The following PTPRG variants were observed in gnomAD, a reference collection of about 807,000 sequenced individuals.
The protein encoded by PTPRG is protein tyrosine phosphatase receptor type G, also known as receptor-type tyrosine-protein phosphatase gamma.
A neutral mutation model predicts 165.3 loss-of-function variants in PTPRG; 102 were observed. The ratio of observed to expected loss-of-function variants is 0.62; its 90% CI spans 0.53 to 0.73. The LOEUF is 0.73. Among genes scored for constraint, PTPRG ranks in the 30% least tolerant of loss-of-function variants. PTPRG has a pLI of 0.00. For missense variants in PTPRG, 1,866 were observed against 1,861.4 expected (o/e 1.00, Z -0.05); for synonymous variants, 675 against 669.5 (o/e 1.01, Z -0.13).
Position 62,000,370 on chromosome 3 carries a change from G to A in PTPRG, c.371-2979G>A, listed in dbSNP as rs143128215. Among the ~76,000 whole-genome samples the A allele has an allele frequency of 1.7e-4, 26 of 152,150 alleles. No homozygotes were observed. In the East Asian group the frequency reaches 4.4e-3, roughly 26 times the overall value. On this transcript the variant is annotated intron_variant, in intron 3 of 29. Transcript: ENST00000474889. ...TTCTGCCTGTATATTCTTACCCAGG[G>A]CAGACTTCGGTGCCAGATTACAGAG...
intron 7 of PTPRG, among the ~76,000 whole-genome samples, chr3:62,166,197 CTTTTTTTTTTTTTTTTTTTTTTT>C (rs564761041): frequency 5.6e-5 from 3 of 53,900 alleles, no homozygotes; most frequent in Non-Finnish European, 1.0e-4. Context: ...AATTACAGTT[CTTTTTTTTTTTTTTTTTTTTTTT>C]TTTTTTTTTT....
At chr3:61,726,403 T>G (rs2032257881) in intron 1 of PTPRG, among the ~76,000 whole-genome samples, 1 of 152,152 alleles carries the variant, frequency 6.6e-6, no homozygotes, top group African/African-American at 2.4e-5. Flanking sequence ...CTAGAGAAAT[T>G]GAGCTACTTT....
intron 2 of PTPRG, among the ~76,000 whole-genome samples, chr3:61,873,689 G>C (rs547903165): frequency 1.3e-5 from 2 of 152,098 alleles, no homozygotes; most frequent in African/African-American, 4.8e-5. Flanking sequence ...GGTAGTTTTT[G>C]TCCACTGTAT....
chr3:61,975,499 C>T (rs2040482415), intron 2 of PTPRG, among the ~76,000 whole-genome samples: 1 of 152,126 alleles, frequency 6.6e-6, no homozygotes, highest in Non-Finnish European at 1.5e-5. Context: ...TGAGGTTCTT[C>T]ACTGCAAATC....
At chr3:62,152,456 C>T (rs1399163588) in intron 6 of PTPRG, among the ~76,000 whole-genome samples, 1 of 152,188 alleles carries the variant, frequency 6.6e-6, no homozygotes, top group East Asian at 1.9e-4. Context: ...TCAGGAACCA[C>T]CAGTCTTGAG....
At chr3:61,996,284 C>T (rs912078458) in intron 3 of PTPRG, among the ~76,000 whole-genome samples, 1 of 152,090 alleles carries the variant, frequency 6.6e-6, no homozygotes, top group Non-Finnish European at 1.5e-5. Context: ...GGGAGGGTTT[C>T]AAACTCACCT....
Position 62,294,412 on chromosome 3 carries a change from C to A in PTPRG, c.*1105C>A, listed in dbSNP as rs1400312386. ...GTCTTAGCAAAAGTCTTGGGACTAT[C>A]TAAACTCCCACACATAGATAAATCT... On this transcript the variant is annotated 3_prime_UTR_variant, in exon 30 of 30. Transcript: ENST00000474889. 1 of 152,062 alleles carries A rather than the reference C, an allele frequency of 6.6e-6. No homozygotes were observed. The highest frequency in any genetic ancestry group is 2.4e-5 in the African/African-American group (1 of 41,416). The allele number at this position is 152,062 out of a possible 1,614,324, so 9.4% of individuals were successfully genotyped here. A position where few individuals can be genotyped will look rare whatever the true frequency, so the allele number is the denominator to read the frequency against.
At chr3:61,674,297 C>T (rs185511910) in intron 1 of PTPRG, among the ~76,000 whole-genome samples, 71 of 151,990 alleles carry the variant, frequency 4.7e-4, no homozygotes, top group South Asian at 1.9e-3. Context: ...TCCAGCTCCC[C>T]GCTCTTTCAG....
intron 3 of PTPRG, among the ~76,000 whole-genome samples, chr3:61,991,179 C>T (rs1453076894): frequency 6.6e-6 from 1 of 152,152 alleles, no homozygotes; most frequent in African/African-American, 2.4e-5. Context: ...GTAGAAAAAA[C>T]TGGTGATCCA....
At chr3:62,144,822 G>T (rs889568611) in intron 6 of PTPRG, among the ~76,000 whole-genome samples, 1 of 152,110 alleles carries the variant, frequency 6.6e-6, no homozygotes, top group Non-Finnish European at 1.5e-5. Context: ...ATCACTAATA[G>T]TATTGTTAAC....
intron 1 of PTPRG, among the ~76,000 whole-genome samples, chr3:61,723,836 T>G (rs2032148670): frequency 2.0e-5 from 3 of 152,166 alleles, no homozygotes; most frequent in Admixed American, 2.0e-4. Flanking sequence ...TCACAAAGAT[T>G]TCCCTCATTC....
chr3:61,882,561 A>G (rs1480418710), intron 2 of PTPRG, among the ~76,000 whole-genome samples: 1 of 152,138 alleles, frequency 6.6e-6, no homozygotes, highest in Non-Finnish European at 1.5e-5. Flanking sequence ...CATCTCACTT[A>G]TTTGTGTTTT....
chr3:61,635,509 A>G (rs1215236228), intron 1 of PTPRG, among the ~76,000 whole-genome samples: 1 of 151,816 alleles, frequency 6.6e-6, no homozygotes, highest in African/African-American at 2.4e-5. Context: ...GGCATGCACC[A>G]CCACGCCTGG....
At position 62,290,937 on chromosome 3, in the gene PTPRG, G is replaced by A. The variant is rs150797897; in HGVS notation, c.4056-1484G>A. Among the ~76,000 whole-genome samples the A allele has an allele frequency of 1.1e-4, 17 of 152,094 alleles. No homozygotes were observed. In the East Asian group the frequency reaches 1.5e-3, roughly 14 times the overall value. ...TTGATTACATCTAAACTGTACTTCCGTATAACAAAATGACCACAAACAATG... is the reference window on the plus strand; with the variant it reads ...TTGATTACATCTAAACTGTACTTCCATATAACAAAATGACCACAAACAATG... On this transcript the variant is annotated intron_variant, in intron 28 of 29. Transcript: ENST00000474889.
chr3:61,867,214 C>G (rs531461222), intron 2 of PTPRG, among the ~76,000 whole-genome samples: 1 of 152,186 alleles, frequency 6.6e-6, no homozygotes, highest in East Asian at 1.9e-4. Flanking sequence ...TACCCCCTGC[C>G]TCCCAGAACC....
chr3:62,097,390 G>A (rs1044307973), intron 5 of PTPRG, among the ~76,000 whole-genome samples: 2 of 152,140 alleles, frequency 1.3e-5, no homozygotes, highest in Non-Finnish European at 2.9e-5. Context: ...CAACAGCACC[G>A]AGTGTTCTCT....
intron 1 of PTPRG, among the ~76,000 whole-genome samples, chr3:61,652,828 C>T (rs1702393159): frequency 6.6e-6 from 1 of 152,166 alleles, no homozygotes; most frequent in South Asian, 2.1e-4. Context: ...TAGTCAAATG[C>T]CTTCTGGCAA....
At chr3:62,132,460 G>T (rs368593824) in intron 5 of PTPRG, 142 bp from the exon 6 acceptor site, 3 of 646,170 alleles carry the variant, frequency 4.6e-6, no homozygotes, top group Non-Finnish European at 8.5e-6. Context: ...TCCTGCATTT[G>T]GTGAGAGCCA....
chr3:61,794,196 T>A (rs935651747), intron 2 of PTPRG, among the ~76,000 whole-genome samples: 4 of 151,776 alleles, frequency 2.6e-5, no homozygotes, highest in South Asian at 2.1e-4. Context: ...CATTTTACTT[T>A]AAAAAAAAAT....
Sources: allele counts gnomAD v4.1 joint callset (sites outside exome capture counted in the v4.1 genomes callset), GRCh38; gene constraint gnomAD v4.1.1; transcripts MANE v1.5; gene names NCBI Gene and HGNC (gene_info 2026-07-23, HGNC 2026-07-21).